Variants in CDH4 observed in about 807,000 individuals in gnomAD.
CDH4 encodes cadherin 4.
In CDH4, 33 loss-of-function variants were observed where a neutral mutation model predicts 86.0. That is an observed-to-expected ratio of 0.38 (90% CI 0.29 to 0.51). The LOEUF (loss-of-function observed/expected upper bound fraction) is 0.51. Ranked by LOEUF, CDH4 falls within the 20% of genes least tolerant of loss-of-function variation. The pLI is 0.86. For synonymous variants in CDH4, 555 were observed against 549.4 expected (o/e 1.01, Z -0.14); for missense variants, 1,114 against 1,307.4 (o/e 0.85, Z 2.28).
At chr20:61,668,929 C>A (rs968491469) in intron 2 of CDH4, among the ~76,000 whole-genome samples, 1 of 152,224 alleles carries the variant, frequency 6.6e-6, no homozygotes, top group Non-Finnish European at 1.5e-5. Flanking sequence ...GAGCACCGTC[C>A]GCCAGCCCCT....
chr20:61,314,145 G>A (rs540361339), intron 2 of CDH4, among the ~76,000 whole-genome samples: 12 of 152,154 alleles, frequency 7.9e-5, no homozygotes, highest in African/African-American at 2.2e-4. Context: ...TTTATGGTCC[G>A]TTCCTTTTAC....
intron 2 of CDH4, among the ~76,000 whole-genome samples, chr20:61,698,349 T>C (rs2087737329): frequency 6.6e-6 from 1 of 152,238 alleles, no homozygotes; most frequent in African/African-American, 2.4e-5. Flanking sequence ...TCTTCTAATA[T>C]GGCTCCATTC....
chr20:61,655,927 G>C (rs764228793), intron 2 of CDH4, among the ~76,000 whole-genome samples: 28 of 152,206 alleles, frequency 1.8e-4, no homozygotes, highest in Non-Finnish European at 3.1e-4. Context: ...AGAGGACGTG[G>C]TTCTGAACAT....
chr20:61,282,547 A>ATGTATG (rs1240432791), intron 2 of CDH4, among the ~76,000 whole-genome samples: 1 of 130,122 alleles, frequency 7.7e-6, no homozygotes, highest in Non-Finnish European at 1.8e-5. Context: ...GTGTGTGTGC[A>ATGTATG]TGTGTGTGTG....
chr20:61,858,707 A>T (rs1480532654), intron 6 of CDH4, among the ~76,000 whole-genome samples: 1 of 152,170 alleles, frequency 6.6e-6, no homozygotes, highest in South Asian at 2.1e-4. Context: ...TTCCTGCAGC[A>T]TCGTTCTCTG....
intron 12 of CDH4, among the ~76,000 whole-genome samples, chr20:61,929,292 A>G (rs2055079686): frequency 2.0e-5 from 3 of 151,998 alleles, no homozygotes; most frequent in Non-Finnish European, 2.9e-5. Context: ...CTTGCACCAC[A>G]CGCCCGGCTA....
intron 2 of CDH4, among the ~76,000 whole-genome samples, chr20:61,492,195 A>G (rs537803250): frequency 1.2e-4 from 17 of 140,198 alleles, no homozygotes; most frequent in African/African-American, 4.6e-4. Flanking sequence ...TGGTGTTGAT[A>G]TTGTTGATAT....
chr20:61,579,717 C>A lies in CDH4; in HGVS notation c.170-163846C>A, dbSNP rs1281219098. Among the ~76,000 whole-genome samples, 4 of 152,144 alleles carry A rather than the reference C, an allele frequency of 2.6e-5. No individual in the cohort carries two copies. In the East Asian group the frequency reaches 7.7e-4, roughly 29 times the overall value. On this transcript the variant is annotated intron_variant, in intron 2 of 15. Transcript: ENST00000614565. ...CCCGATGCAGAGCACGGAGTAGGCACCCGATGAATACTTGTGGAGTTGGAT... is the reference window on the plus strand; with the variant it reads ...CCCGATGCAGAGCACGGAGTAGGCAACCGATGAATACTTGTGGAGTTGGAT...
intron 2 of CDH4, among the ~76,000 whole-genome samples, chr20:61,264,112 C>T (rs1248736119): frequency 6.6e-6 from 1 of 152,166 alleles, no homozygotes; most frequent in African/African-American, 2.4e-5. Context: ...ATGGGGACAT[C>T]TCTGGGGAGT....
At chr20:61,630,110 A>G (rs1452562689) in intron 2 of CDH4, among the ~76,000 whole-genome samples, 2 of 152,204 alleles carry the variant, frequency 1.3e-5, no homozygotes, top group Non-Finnish European at 2.9e-5. Context: ...CCATGAACAC[A>G]GGATGCAGAG....
chr20:61,495,336 C>T (rs1034825060), intron 2 of CDH4, among the ~76,000 whole-genome samples: 3 of 152,152 alleles, frequency 2.0e-5, no homozygotes, highest in Admixed American at 1.3e-4. Flanking sequence ...GCACAGCCTA[C>T]GAACCCCCAG....
chr20:61,926,310 G>A (rs920536346), intron 11 of CDH4, among the ~76,000 whole-genome samples: 14 of 152,218 alleles, frequency 9.2e-5, no homozygotes, highest in African/African-American at 3.4e-4. Context: ...TGTCTGGTCC[G>A]CTCTTGGAAC....
chr20:61,421,481 C>T (rs1024375112), intron 2 of CDH4, among the ~76,000 whole-genome samples: 4 of 152,158 alleles, frequency 2.6e-5, no homozygotes, highest in African/African-American at 9.7e-5. Context: ...AAACTCATCT[C>T]CGCTATCCAA....
intron 3 of CDH4, among the ~76,000 whole-genome samples, chr20:61,758,592 A>T (rs1285203009): frequency 6.6e-6 from 1 of 152,122 alleles, no homozygotes; most frequent in African/African-American, 2.4e-5. Context: ...TCTGCAAAAT[A>T]AGGACCACGA....
chr20:61,700,608 C>T (rs1234631595), intron 2 of CDH4, among the ~76,000 whole-genome samples: 12 of 152,192 alleles, frequency 7.9e-5, no homozygotes, highest in Non-Finnish European at 1.5e-4. Context: ...AATGTCACCC[C>T]GTACGGCCTC....
At chr20:61,319,212 T>C (rs2084494764) in intron 2 of CDH4, among the ~76,000 whole-genome samples, 1 of 151,614 alleles carries the variant, frequency 6.6e-6, no homozygotes, top group African/African-American at 2.4e-5. Context: ...TAATATATAA[T>C]AATACAATAA....
chr20:61,410,211 C>T lies in CDH4; in HGVS notation c.169+155274C>T, dbSNP rs371740601. On this transcript the variant is annotated intron_variant, in intron 2 of 15. Coordinates refer to ENST00000614565, the MANE Select transcript of CDH4 (RefSeq NM_001794.5). ...AGTAACTTGTGTTCATCTATCCATC[C>T]ATCCATCTACCCATCTGCCCACCCA... Among the ~76,000 whole-genome samples, 12 of 152,336 alleles carry T rather than the reference C, an allele frequency of 7.9e-5. No individual in the cohort carries two copies. In the South Asian group the frequency reaches 8.3e-4, roughly 11 times the overall value.
In CDH4 at chr20:61,662,598, G is replaced by A. The variant is rs1013230111; in HGVS notation, c.170-80965G>A. ...CCCAGCTGTGGCTGTGTGCCTGGAG[G>A]ACTGGGGCGTGAGGAAAGGACATCT... On this transcript the variant is annotated intron_variant, in intron 2 of 15. Coordinates refer to ENST00000614565, the MANE Select transcript of CDH4 (RefSeq NM_001794.5). 5.9e-5 allele frequency among the ~76,000 whole-genome samples: 9 copies of A among 152,318 alleles called. No homozygotes were observed. The East Asian group carries it at 1.4e-3, about 23-fold the overall frequency.
At chr20:61,621,894 T>G (rs1204104080) in intron 2 of CDH4, among the ~76,000 whole-genome samples, 1 of 152,228 alleles carries the variant, frequency 6.6e-6, no homozygotes, top group Non-Finnish European at 1.5e-5. Context: ...GGTGTTTAAT[T>G]TAAAAATAAA....
Sources: allele counts gnomAD v4.1 joint callset (sites outside exome capture counted in the v4.1 genomes callset), GRCh38; gene constraint gnomAD v4.1.1; transcripts MANE v1.5; gene names NCBI Gene and HGNC (gene_info 2026-07-23, HGNC 2026-07-21).